Variants in ATP2B2 observed in about 807,000 individuals in gnomAD.
The protein encoded by ATP2B2 is ATPase plasma membrane Ca2+ transporting 2, also known as plasma membrane calcium-transporting ATPase 2.
In ATP2B2, 15 loss-of-function variants were observed where a neutral mutation model predicts 120.0. That is an observed-to-expected ratio of 0.12 (90% CI 0.08 to 0.19). The LOEUF is 0.19. Among genes scored for constraint, ATP2B2 ranks in the 10% least tolerant of loss-of-function variants. The probability of loss-of-function intolerance (pLI) is 1.00; values close to 1 mark genes in which losing one functional copy is unlikely to be tolerated. For missense variants in ATP2B2, 1,045 were observed against 1,719.8 expected, an observed-to-expected ratio of 0.61 and a Z score of 6.94; for synonymous variants, 694 against 700.3, an observed-to-expected ratio of 0.99 and a Z score of 0.14.
chr3:10,339,591 G>A (rs1428006291), intron 21 of ATP2B2, among the ~76,000 whole-genome samples: 1 of 152,180 alleles, frequency 6.6e-6, no homozygotes, highest in Non-Finnish European at 1.5e-5. Flanking sequence ...AATATTCTGG[G>A]ACAAAGCTGG....
chr3:10,423,980 C>G (rs542807603), intron 2 of ATP2B2, among the ~76,000 whole-genome samples: 1 of 152,156 alleles, frequency 6.6e-6, no homozygotes, highest in African/African-American at 2.4e-5. Context: ...TGTTACCCCC[C>G]GCAGTGCATC....
At chr3:10,459,662 C>A (rs773260911) in intron 1 of ATP2B2, among the ~76,000 whole-genome samples, 1 of 152,240 alleles carries the variant, frequency 6.6e-6, no homozygotes, top group African/African-American at 2.4e-5. Context: ...CTGTCTGCTC[C>A]GTCCCTGTGG....
chr3:10,694,598 C>A (rs1287621528), intron 1 of ATP2B2, among the ~76,000 whole-genome samples: 4 of 152,194 alleles, frequency 2.6e-5, no homozygotes, highest in Non-Finnish European at 5.9e-5. Flanking sequence ...CCTCAATGGG[C>A]TGTGGCATGA....
At chr3:10,565,778 C>T (rs1429099942) in intron 2 of ATP2B2, among the ~76,000 whole-genome samples, 1 of 152,202 alleles carries the variant, frequency 6.6e-6, no homozygotes, top group African/African-American at 2.4e-5. Context: ...GTTACTTCAA[C>T]AAACGTAATA....
At chr3:10,610,520 G>A (rs780011653) in intron 2 of ATP2B2, among the ~76,000 whole-genome samples, 13 of 152,242 alleles carry the variant, frequency 8.5e-5, no homozygotes, top group Non-Finnish European at 1.5e-4. Flanking sequence ...ACCCCTAAAC[G>A]TATTCACTGC....
intron 4 of ATP2B2, among the ~76,000 whole-genome samples, chr3:10,401,633 C>G (rs1313437127): frequency 6.6e-6 from 1 of 152,174 alleles, no homozygotes; most frequent in Non-Finnish European, 1.5e-5. Context: ...TAGCACAGGC[C>G]CAGAATATTC....
chr3:10,671,151 C>T (rs1258361436), intron 1 of ATP2B2, among the ~76,000 whole-genome samples: 1 of 152,192 alleles, frequency 6.6e-6, no homozygotes, highest in Non-Finnish European at 1.5e-5. Context: ...TGGAGATACC[C>T]TAAGATATTA....
intron 1 of ATP2B2, among the ~76,000 whole-genome samples, chr3:10,467,059 G>A (rs192562376): frequency 4.6e-5 from 7 of 152,308 alleles, no homozygotes; most frequent in African/African-American, 1.7e-4. Context: ...TAAAGAGGTT[G>A]GGCTAGATGG....
In ATP2B2 at chr3:10,388,945, T is replaced by A. The variant is rs576155179; in HGVS notation, c.782-543A>T. 7.9e-5 allele frequency among the ~76,000 whole-genome samples: 12 copies of A among 152,358 alleles called. No individual in the cohort carries two copies. In the South Asian group the frequency reaches 2.5e-3, roughly 32 times the overall value. On this transcript the variant is annotated intron_variant, in intron 5 of 22. Transcript: ENST00000360273. ...CTATACCACATATTTTTTTTCTACT[T>A]TATGCCAATATAATTGGTTTCCTTT...
At chr3:10,493,304 C>T (rs1045298545) in intron 1 of ATP2B2, among the ~76,000 whole-genome samples, 16 of 152,022 alleles carry the variant, frequency 1.1e-4, no homozygotes, top group African/African-American at 3.6e-4. Context: ...TGAGGAATTA[C>T]CACTCAGCTT....
chr3:10,453,171 A>G (rs1479273555), intron 1 of ATP2B2, among the ~76,000 whole-genome samples: 3 of 152,202 alleles, frequency 2.0e-5, no homozygotes, highest in Non-Finnish European at 4.4e-5. Flanking sequence ...TCTGAGTTCA[A>G]ATTCTGGCTC....
At chr3:10,357,186 C>T (rs1035515195) in intron 14 of ATP2B2, among the ~76,000 whole-genome samples, 3 of 152,098 alleles carry the variant, frequency 2.0e-5, no homozygotes, top group African/African-American at 7.2e-5. Flanking sequence ...GTATGTAGGC[C>T]GCCTATCTTG....
intron 3 of ATP2B2, among the ~76,000 whole-genome samples, chr3:10,525,533 C>T (rs1431975496): frequency 6.6e-6 from 1 of 152,110 alleles, no homozygotes; most frequent in Admixed American, 6.5e-5. Context: ...AACTAACACC[C>T]GCACTTTATT....
Position 10,324,801 on chromosome 3 carries a change from C to A in ATP2B2, c.*4013G>T, listed in dbSNP as rs1301810716. 6.6e-6 allele frequency: 1 copy of A among 152,232 alleles called. No individual in the cohort carries two copies. The highest frequency in any genetic ancestry group is 1.5e-5 in the Non-Finnish European group (1 of 68,070). The allele number at this position is 152,232 out of a possible 1,614,324, so 9.4% of individuals were successfully genotyped here. On this transcript the variant is annotated 3_prime_UTR_variant, in exon 23 of 23. Coordinates refer to ENST00000360273, the MANE Select transcript of ATP2B2 (RefSeq NM_001001331.4). ...CCCCCAAAACAAAATGAAACAAAAA[C>A]AACAAAAAACCAGTTCAGGAAAGGG...
At chr3:10,379,973 C>T (rs2061487176) in intron 8 of ATP2B2, among the ~76,000 whole-genome samples, 1 of 152,172 alleles carries the variant, frequency 6.6e-6, no homozygotes, top group Admixed American at 6.5e-5. Flanking sequence ...AAAGAGTGAT[C>T]AGGGGTCCCC....
intron 2 of ATP2B2, among the ~76,000 whole-genome samples, chr3:10,438,082 G>A (rs962976509): frequency 2.6e-5 from 4 of 152,128 alleles, no homozygotes; most frequent in Admixed American, 6.5e-5. Context: ...GGGGGGTGGC[G>A]GGTGTCTCTG....
chr3:10,395,352 A>G (rs1018607725), intron 5 of ATP2B2, among the ~76,000 whole-genome samples: 2 of 152,210 alleles, frequency 1.3e-5, no homozygotes, highest in Non-Finnish European at 2.9e-5. Context: ...CAATTGGCAG[A>G]ATGTGAATAT....
chr3:10,358,757 C>T lies in ATP2B2; in HGVS notation c.2070G>A (p.Glu690=). 1 of 1,614,250 alleles carries T rather than the reference C, an allele frequency of 6.2e-7. No individual in the cohort carries two copies. Among genetic ancestry groups the T allele is most frequent in the Non-Finnish European group, 8.5e-7 (1 of 1,180,052 alleles). Residue 690 remains glutamate, a synonymous_variant, in exon 14 of 23, where the codon GAG becomes GAA. Coordinates refer to ENST00000360273, the MANE Select transcript of ATP2B2 (RefSeq NM_001001331.4). ...AGGTGAGTTCGTTGAGGATGTCATTCTCATTGTCCCAGTCCGGCTCCGGGC... is the reference window on the plus strand; with the variant it reads ...AGGTGAGTTCGTTGAGGATGTCATTTTCATTGTCCCAGTCCGGCTCCGGGC... ...PSSPEPDWDN[E]NDILNELTCI...
chr3:10,367,195 C>G (rs1485338557), intron 12 of ATP2B2, among the ~76,000 whole-genome samples: 1 of 152,124 alleles, frequency 6.6e-6, no homozygotes, highest in Admixed American at 6.5e-5. Flanking sequence ...CCACAAATCA[C>G]CATGTTTCCT....
Sources: gnomAD v4.1 joint callset for allele counts (sites outside exome capture counted in the v4.1 genomes callset) on GRCh38, gnomAD v4.1.1 for gene constraint, MANE v1.5 for transcripts, NCBI Gene and HGNC (gene_info 2026-07-23, HGNC 2026-07-21) for gene names.